KDM5A: variants seen among roughly 807,000 people sequenced by gnomAD.
KDM5A encodes the protein lysine-specific demethylase 5A.
KDM5A carries 42 observed loss-of-function variants against 193.5 expected under a neutral mutation model. The observed-to-expected ratio is 0.22, with a 90% CI of 0.17 to 0.28. KDM5A has a LOEUF of 0.28. Ranked by LOEUF, KDM5A falls within the 10% of genes least tolerant of loss-of-function variation. The pLI, the probability that KDM5A is intolerant of heterozygous loss-of-function variation, is 1.00. For synonymous variants in KDM5A, 796 were observed against 718.1 expected (o/e 1.11, Z -1.73); for missense variants, 1,692 against 2,055.1 (o/e 0.82, Z 3.42).
Position 309,805 on chromosome 12 carries a change from C to T in KDM5A, c.3376G>A (p.Val1126Met). The change falls in exon 22 of 28, where the codon GTG becomes ATG. Residue 1126 changes from valine (V) to methionine (M), a missense_variant and splice_region_variant. Val to Met is a conservative substitution (Grantham distance 21). This residue lies in a region of KDM5A where 965 missense variants were observed against 1,061.0 expected (regional missense o/e 0.91). Transcript: ENST00000399788. ...GLEETRDTAM[V>M]VAVFKEREQK... ...CAAGATGCTAGGTAATTTCTTACCA[C>T]CATGGCTGTATCTCTGGTTTCCTCC... is the stretch of plus-strand genomic sequence containing the variant. 6.2e-7 allele frequency: 1 copy of T among 1,614,112 alleles called. No individual in the cohort carries two copies. The highest frequency in any genetic ancestry group is 2.2e-5 in the East Asian group (1 of 44,874).
At chr12:369,449 A>G (rs1392582156) in intron 3 of KDM5A, among the ~76,000 whole-genome samples, 5 of 152,202 alleles carry the variant, frequency 3.3e-5, no homozygotes, top group Non-Finnish European at 5.9e-5. Context: ...TAGTGGAGGA[A>G]GACAGACAAT....
At chr12:373,203 C>T (rs1351525284) in intron 3 of KDM5A, among the ~76,000 whole-genome samples, 1 of 152,136 alleles carries the variant, frequency 6.6e-6, no homozygotes, top group East Asian at 1.9e-4. Flanking sequence ...TAGAATTTGG[C>T]TGTGAATCTA....
In KDM5A at chr12:334,244, T is replaced by C; in HGVS notation, c.1487A>G (p.His496Arg). Reference protein sequence around the residue: ...DHWSYSINYLHWGEPKTWYGV... With the variant: ...DHWSYSINYLRWGEPKTWYGV... ...CTGTATTTTAGACTGTACATACCAG[T>C]GCAAGTAGTTGATGGAATAACTCCA... Residue 496 changes from histidine (H) to arginine (R), a missense_variant, in exon 11 of 28, where the codon CAC becomes CGC. His to Arg is a conservative substitution (Grantham distance 29). Transcript: ENST00000399788. 1.2e-6 allele frequency: 2 copies of C among 1,613,842 alleles called. No homozygotes were observed. Among genetic ancestry groups the C allele is most frequent in the Non-Finnish European group, 1.7e-6 (2 of 1,179,714 alleles).
At chr12:339,173 C>A in intron 10 of KDM5A, among the ~76,000 whole-genome samples, 5 of 132,974 alleles carry the variant, frequency 3.8e-5, no homozygotes, top group Admixed American at 7.5e-5. Context: ...AGCGAAACCC[C>A]ATCTCAAAAA....
Position 284,856 on chromosome 12 carries a change from G to C in KDM5A, c.*600C>G, listed in dbSNP as rs2137353726. The C allele has an allele frequency of 4.3e-6, 1 of 234,332 alleles. No homozygotes were observed. Among genetic ancestry groups the C allele is most frequent in the South Asian group, 1.8e-4 (1 of 5,620 alleles). 14.5% of individuals were successfully genotyped at this position (234,332 alleles called of 1,614,324 possible). On this transcript the variant is annotated 3_prime_UTR_variant, in exon 28 of 28. Transcript: ENST00000399788. The stretch of plus-strand genomic sequence containing the variant: ...AGCTTGTGAGAGGTTCTCCTATTTG[G>C]GATGTTCTTCTAGCACAAACAAGCA...
At chr12:364,108 G>C (rs1424954419) in intron 4 of KDM5A, among the ~76,000 whole-genome samples, 1 of 152,164 alleles carries the variant, frequency 6.6e-6, no homozygotes, top group Non-Finnish European at 1.5e-5. Context: ...GGAAAAACTA[G>C]AAGCCTCTAC....
At chr12:350,483 G>A (rs1024356005) in intron 10 of KDM5A, 138 bp downstream of exon 10, 10 of 773,532 alleles carry the variant, frequency 1.3e-5, no homozygotes, top group East Asian at 8.4e-5. Flanking sequence ...TGAATTCTTC[G>A]TTTTCAAAAC....
intron 5 of KDM5A, among the ~76,000 whole-genome samples, chr12:359,637 G>C (rs1033228074): frequency 5.9e-5 from 9 of 151,746 alleles, no homozygotes; most frequent in Admixed American, 5.9e-4. Flanking sequence ...AGCTACCTGG[G>C]AGGCTGAGGT....
In KDM5A at chr12:295,734, G is replaced by A. The variant is rs1300365554; in HGVS notation, c.4294C>T (p.Pro1432Ser). ...CCAGGTGACAACTCCAGCACTGGAG[G>A]TTCCAAACTTCGGGGCACCAAAGGG... is the stretch of plus-strand genomic sequence containing the variant. Reference protein sequence around the residue: ...KSPLVPRSLEPPVLELSPGAK... With the variant: ...KSPLVPRSLESPVLELSPGAK... Residue 1432 changes from proline to serine, a missense_variant, in exon 26 of 28, where the codon CCT becomes TCT. By Grantham distance (74) the Pro-to-Ser change is moderately conservative. Transcript: ENST00000399788. 2.5e-6 allele frequency: 4 copies of A among 1,614,066 alleles called. No individual in the cohort carries two copies. Among genetic ancestry groups the A allele is most frequent in the East Asian group, 4.5e-5 (2 of 44,872 alleles).
At chr12:388,196 T>A (rs1435282717) in intron 1 of KDM5A, 4 of 433,240 alleles carry the variant, frequency 9.2e-6, no homozygotes, top group Middle Eastern at 3.4e-4. Flanking sequence ...GGGGCATTAA[T>A]CCCCTCCACA....
At chr12:319,320 G>C (rs566134570) in intron 18 of KDM5A, among the ~76,000 whole-genome samples, 1 of 152,342 alleles carries the variant, frequency 6.6e-6, no homozygotes, top group Admixed American at 6.5e-5. Flanking sequence ...TTCCAGTGGT[G>C]TAGAGCATAG....
At chr12:381,660 T>C (rs1565553958) in intron 3 of KDM5A, among the ~76,000 whole-genome samples, 1 of 152,186 alleles carries the variant, frequency 6.6e-6, no homozygotes, top group Non-Finnish European at 1.5e-5. Context: ...CTTGACACAG[T>C]GCTTACTTAC....
intron 24 of KDM5A, among the ~76,000 whole-genome samples, chr12:299,623 T>C (rs1468634199): frequency 2.0e-5 from 3 of 152,150 alleles, no homozygotes; most frequent in Admixed American, 6.5e-5. Flanking sequence ...ATCGACGCTA[T>C]GAAGAAACTG....
chr12:294,008 C>CTGTACAT (rs1259431989), intron 26 of KDM5A, among the ~76,000 whole-genome samples: 1 of 151,752 alleles, frequency 6.6e-6, no homozygotes, highest in African/African-American at 2.4e-5. Context: ...TGAAAACATA[C>CTGTACAT]ACAAAAAGCA....
intron 3 of KDM5A, among the ~76,000 whole-genome samples, chr12:379,613 A>T (rs141821711): frequency 6.6e-6 from 1 of 152,356 alleles, no homozygotes; most frequent in African/African-American, 2.4e-5. Flanking sequence ...ATAAACTAAA[A>T]TAACTACAAA....
At chr12:382,164 G>A (rs1306973513) in intron 3 of KDM5A, among the ~76,000 whole-genome samples, 1 of 152,088 alleles carries the variant, frequency 6.6e-6, no homozygotes, top group African/African-American at 2.4e-5. Context: ...ACGCATGGTG[G>A]CTCACGCCTG....
intron 3 of KDM5A, among the ~76,000 whole-genome samples, chr12:369,124 T>C (rs1320271321): frequency 2.0e-5 from 3 of 152,230 alleles, no homozygotes; most frequent in Non-Finnish European, 4.4e-5. Flanking sequence ...CACATCTCTT[T>C]AGTTCTTCAG....
chr12:281,773 T>A lies in KDM5A; in HGVS notation c.*3683A>T, dbSNP rs140336539. On this transcript the variant is annotated 3_prime_UTR_variant, in exon 28 of 28. Transcript: ENST00000399788. ...GAAAGACAGGTCTTCTCAGTTTTTC[T>A]GTTCATCCTCCTACTGTAAGTACTG... is the stretch of plus-strand genomic sequence containing the variant. 2.0e-3 allele frequency: 475 copies of A among 233,948 alleles called. 4 individuals are homozygous for A. The highest frequency in any genetic ancestry group is 9.8e-3 in the African/African-American group (444 of 45,492). The allele number at this position is 233,948 out of a possible 1,614,324, so 14.5% of individuals were successfully genotyped here. A position where few individuals can be genotyped will look rare whatever the true frequency, so the allele number is the denominator to read the frequency against.
chr12:374,567 A>G lies in KDM5A; in HGVS notation c.367-8463T>C, dbSNP rs1591938945. Among the ~76,000 whole-genome samples the G allele has an allele frequency of 2.6e-5, 4 of 152,136 alleles. No individual in the cohort carries two copies. In the East Asian group the frequency reaches 5.8e-4, roughly 22 times the overall value. ...GTCTTTTAACTGGAGCATTTAGCCC[A>G]TTTACATTTAAGGTTAATACTGTTA... On this transcript the variant is annotated intron_variant, in intron 3 of 27. Transcript: ENST00000399788.
Sources: gnomAD v4.1 joint callset for allele counts (sites outside exome capture counted in the v4.1 genomes callset) on GRCh38, gnomAD v4.1.1 for gene constraint, gnomAD v4.1.1 regional missense constraint, MANE v1.5 for transcripts, NCBI Gene and HGNC (gene_info 2026-07-23, HGNC 2026-07-21) for gene names.